The following ROBO1 variants were observed in gnomAD, a reference collection of about 807,000 sequenced individuals.
ROBO1 encodes roundabout guidance receptor 1, also known as roundabout homolog 1.
In ROBO1, 149 loss-of-function variants were observed where a neutral mutation model predicts 195.9. That is an observed-to-expected ratio of 0.76 (90% confidence interval 0.67 to 0.87). The LOEUF (loss-of-function observed/expected upper bound fraction) is 0.87, where lower values mean the gene tolerates loss of function less well. Among genes scored for constraint, ROBO1 ranks in the 40% least tolerant of loss-of-function variants. ROBO1 has a pLI of 0.00. For synonymous variants in ROBO1, 816 were observed against 733.2 expected (o/e 1.11, Z -1.82); for missense variants, 1,933 against 2,068.3 (o/e 0.93, Z 1.27).
At chr3:79,682,841 G>T (rs1186719254) in intron 1 of ROBO1, among the ~76,000 whole-genome samples, 1 of 152,020 alleles carries the variant, frequency 6.6e-6, no homozygotes, top group Non-Finnish European at 1.5e-5. Flanking sequence ...AAGTTAGCCA[G>T]TAGAAGAGGT....
chr3:79,116,809 G>T (rs1210444902), intron 3 of ROBO1, among the ~76,000 whole-genome samples: 1 of 151,814 alleles, frequency 6.6e-6, no homozygotes, highest in East Asian at 1.9e-4. Context: ...TGAGCTACCA[G>T]GTCGGGCCAA....
intron 3 of ROBO1, among the ~76,000 whole-genome samples, chr3:78,988,201 T>A (rs2077157073): frequency 6.6e-6 from 1 of 152,118 alleles, no homozygotes; most frequent in South Asian, 2.1e-4. Context: ...TTTTCTCTCA[T>A]TCTTTTACAA....
chr3:79,313,322 G>A (rs1335917406), intron 2 of ROBO1, among the ~76,000 whole-genome samples: 1 of 151,998 alleles, frequency 6.6e-6, no homozygotes, highest in Admixed American at 6.6e-5. Context: ...CCTTTTCCTG[G>A]GTAATTTGAC....
intron 3 of ROBO1, among the ~76,000 whole-genome samples, chr3:79,017,650 G>A (rs759360094): frequency 3.3e-5 from 5 of 151,560 alleles, no homozygotes; most frequent in Non-Finnish European, 5.9e-5. Context: ...GTACTCTTAT[G>A]TCAGAAGGGC....
At chr3:78,841,126 G>GTA (rs2033170703) in intron 4 of ROBO1, among the ~76,000 whole-genome samples, 1 of 151,552 alleles carries the variant, frequency 6.6e-6, no homozygotes, top group South Asian at 2.1e-4. Context: ...AGGCAATGTT[G>GTA]TATGTTAATA....
chr3:78,994,823 C>T (rs1445656958), intron 3 of ROBO1, among the ~76,000 whole-genome samples: 1 of 152,118 alleles, frequency 6.6e-6, no homozygotes, highest in African/African-American at 2.4e-5. Flanking sequence ...CTGGTTGAAC[C>T]CAGACGGAGT....
At chr3:79,403,736 C>T (rs867702036) in intron 2 of ROBO1, among the ~76,000 whole-genome samples, 2 of 151,628 alleles carry the variant, frequency 1.3e-5, no homozygotes, top group Non-Finnish European at 1.5e-5. Flanking sequence ...ACATGAGTAT[C>T]GTGAGAAAAC....
chr3:78,813,395 T>C (rs1451046104), intron 4 of ROBO1, among the ~76,000 whole-genome samples: 1 of 152,084 alleles, frequency 6.6e-6, no homozygotes, highest in Admixed American at 6.6e-5. Flanking sequence ...TTTTGTTGGA[T>C]TTTACAAGGG....
intron 1 of ROBO1, among the ~76,000 whole-genome samples, chr3:79,660,277 G>A (rs915384628): frequency 6.6e-6 from 1 of 151,426 alleles, no homozygotes; most frequent in Non-Finnish European, 1.5e-5. Flanking sequence ...TGGAAGTCAC[G>A]ACTAAAATGC....
intron 3 of ROBO1, among the ~76,000 whole-genome samples, chr3:78,971,762 GTTGT>G (rs564210726): frequency 1.8e-4 from 27 of 149,622 alleles, no homozygotes; most frequent in East Asian, 1.0e-3. Context: ...TGTTGTTGTT[GTTGT>G]TTGTTTGTTT....
chr3:79,661,879 T>C (rs750917821), intron 1 of ROBO1, among the ~76,000 whole-genome samples: 9 of 152,090 alleles, frequency 5.9e-5, no homozygotes, highest in Non-Finnish European at 1.0e-4. Flanking sequence ...AGAGACAATG[T>C]GGAATGATTT....
chr3:79,558,829 CATAAT>C (rs1288458833), intron 2 of ROBO1, among the ~76,000 whole-genome samples: 1 of 152,084 alleles, frequency 6.6e-6, no homozygotes, highest in African/African-American at 2.4e-5. Flanking sequence ...GACATAGCTG[CATAAT>C]ATATCTTTAT....
intron 1 of ROBO1, among the ~76,000 whole-genome samples, chr3:79,602,311 A>G (rs1293003816): frequency 6.6e-6 from 1 of 152,056 alleles, no homozygotes; most frequent in African/African-American, 2.4e-5. Context: ...ATGTAACAAA[A>G]AGATTCATAC....
At chr3:79,612,023 CTTTT>C (rs956451788) in intron 1 of ROBO1, among the ~76,000 whole-genome samples, 1 of 131,168 alleles carries the variant, frequency 7.6e-6, no homozygotes. Flanking sequence ...TGACTATTAT[CTTTT>C]TTTTTATTAT....
At chr3:79,051,347 A>G (rs1016338287) in intron 3 of ROBO1, among the ~76,000 whole-genome samples, 6 of 152,208 alleles carry the variant, frequency 3.9e-5, no homozygotes, top group African/African-American at 9.6e-5. Context: ...TCCTCCCAAG[A>G]GTAAACCAGG....
At chr3:79,325,969 C>T (rs897406752) in intron 2 of ROBO1, among the ~76,000 whole-genome samples, 4 of 152,044 alleles carry the variant, frequency 2.6e-5, no homozygotes, top group East Asian at 1.9e-4. Context: ...AGAGAATATG[C>T]GCCTGGGGGT....
At chr3:78,604,826 T>C (rs1703375568) in intron 29 of ROBO1, among the ~76,000 whole-genome samples, 1 of 152,220 alleles carries the variant, frequency 6.6e-6, no homozygotes, top group African/African-American at 2.4e-5. Flanking sequence ...CTGTAGGTTT[T>C]TAAGTTTCAT....
chr3:79,295,305 T>C (rs2032524115), intron 2 of ROBO1, among the ~76,000 whole-genome samples: 1 of 152,140 alleles, frequency 6.6e-6, no homozygotes, highest in Non-Finnish European at 1.5e-5. Context: ...TACAGGGAAA[T>C]GGATGAAGTT....
chr3:79,710,264 A>C (rs1218064617), intron 1 of ROBO1, among the ~76,000 whole-genome samples: 1 of 152,116 alleles, frequency 6.6e-6, no homozygotes, highest in Non-Finnish European at 1.5e-5. Context: ...CATGTACACT[A>C]TCTCTCTAGT....
Sources: gnomAD v4.1 joint callset for allele counts (sites outside exome capture counted in the v4.1 genomes callset) on GRCh38, gnomAD v4.1.1 for gene constraint, MANE v1.5 for transcripts, NCBI Gene and HGNC (gene_info 2026-07-23, HGNC 2026-07-21) for gene names.